The following MYOCOS variants were observed in gnomAD, a reference collection of about 807,000 sequenced individuals.
MYOCOS encodes myocilin opposite strand.
chr1:171,608,643 G>A (rs916009631), intron 1 of MYOCOS, among the ~76,000 whole-genome samples: 91 of 151,978 alleles, frequency 6.0e-4, no homozygotes, highest in African/African-American at 2.1e-3. Context: ...GGATGGTCTC[G>A]ATCTCCTGAC....
intron 1 of MYOCOS, among the ~76,000 whole-genome samples, chr1:171,607,537 T>G (rs1394524360): frequency 6.6e-6 from 1 of 152,208 alleles, no homozygotes; most frequent in Non-Finnish European, 1.5e-5. Flanking sequence ...AAGACTGAAC[T>G]TCTAAAATGT....
chr1:171,616,225 AAAACAAAC>A (rs141899130), intron 2 of MYOCOS, among the ~76,000 whole-genome samples: 9 of 150,902 alleles, frequency 6.0e-5, no homozygotes, highest in South Asian at 2.1e-4. Flanking sequence ...CTCAAAACAA[AAAACAAAC>A]AAACAAACAA....
At chr1:171,615,489 AAAC>A (rs898877427) in intron 2 of MYOCOS, among the ~76,000 whole-genome samples, 5 of 152,326 alleles carry the variant, frequency 3.3e-5, no homozygotes, top group African/African-American at 7.2e-5. Flanking sequence ...TTTTAAGAAA[AAAC>A]AACAAGGAAG....
upstream of MYOCOS, among the ~76,000 whole-genome samples, chr1:171,618,304 A>G (rs1393897550): frequency 1.3e-5 from 2 of 152,194 alleles, no homozygotes; most frequent in African/African-American, 4.8e-5. Flanking sequence ...TCATAACCCC[A>G]CCTTAGTGCT....
chr1:171,613,917 CT>C (rs994137178), intron 1 of MYOCOS, among the ~76,000 whole-genome samples: 1 of 152,150 alleles, frequency 6.6e-6, no homozygotes, highest in African/African-American at 2.4e-5. Context: ...AGGCCTCTGA[CT>C]TTATCACTTC....
chr1:171,602,707 A>T (rs1401989628), intron 1 of MYOCOS, among the ~76,000 whole-genome samples: 1 of 152,224 alleles, frequency 6.6e-6, no homozygotes, highest in Non-Finnish European at 1.5e-5. Flanking sequence ...CTAATATAAA[A>T]GTAAAATTTA....
chr1:171,607,701 C>T (rs1308840875), intron 1 of MYOCOS, among the ~76,000 whole-genome samples: 2 of 152,146 alleles, frequency 1.3e-5, no homozygotes, highest in African/African-American at 2.4e-5. Flanking sequence ...GTTCTTAGGC[C>T]CTTCTGTCCA....
chr1:171,626,747 T>A lies in MYOCOS; in HGVS notation c.*146T>A, dbSNP rs1298186049. 5 of 396,502 alleles carry A rather than the reference T, an allele frequency of 1.3e-5. No homozygotes were observed. The highest frequency in any genetic ancestry group is 2.2e-5 in the Non-Finnish European group (5 of 225,412). 24.6% of individuals were successfully genotyped at this position (396,502 alleles called of 1,614,324 possible). A position where few individuals can be genotyped will look rare whatever the true frequency, so the allele number is the denominator to read the frequency against. The stretch of plus-strand genomic sequence containing the variant: ...ACCTAGAACCACCATAGAGCATGGT[T>A]TACCCTTGCTAATAGACTTAGTCAT... On this transcript the variant is annotated 3_prime_UTR_variant, in exon 3 of 3. Transcript: ENST00000637642.
intron 1 of MYOCOS, among the ~76,000 whole-genome samples, chr1:171,612,439 A>AT (rs1055295838): frequency 4.6e-5 from 7 of 151,800 alleles, no homozygotes; most frequent in African/African-American, 1.2e-4. Context: ...ATCACATGAC[A>AT]TTTTTTTTAC....
At position 171,624,254 on chromosome 1, in the gene MYOCOS, CTTTG is replaced by C. The variant is rs539570687; in HGVS notation, c.95+281_95+284del. 1.7e-3 allele frequency among the ~76,000 whole-genome samples: 262 copies of C among 151,936 alleles called. 1 individual carries two copies. Among genetic ancestry groups the C allele is most frequent in the Non-Finnish European group, 2.6e-3 (175 of 67,970 alleles). Reference sequence around the variant, plus strand: ...GATAGAGAGTGGGGAGTGGGGATCACTTTGTTTGGTTTGGTTTTGTTTTTTTGAG... The same window carrying C: ...GATAGAGAGTGGGGAGTGGGGATCACTTTGGTTTGGTTTTGTTTTTTTGAG... On this transcript the variant is annotated intron_variant, in intron 2 of 2. Transcript: ENST00000637642.
Position 171,626,663 on chromosome 1 carries a change from A to C in MYOCOS, c.*62A>C. ...AACTCCAGAAAACAGTTTCAGTGGC[A>C]TTCTTGAGGTTTGTCTTAGAAGACT... On this transcript the variant is annotated 3_prime_UTR_variant, in exon 3 of 3. Coordinates refer to ENST00000637642, the MANE Select transcript of MYOCOS (RefSeq NM_001391940.1). 2 of 398,376 alleles carry C rather than the reference A, an allele frequency of 5.0e-6. No individual in the cohort carries two copies. Among genetic ancestry groups the C allele is most frequent in the Non-Finnish European group, 4.4e-6 (1 of 225,932 alleles). 24.7% of individuals were successfully genotyped at this position (398,376 alleles called of 1,614,324 possible). A position where few individuals can be genotyped will look rare whatever the true frequency, so the allele number is the denominator to read the frequency against.
At position 171,626,530 on chromosome 1, in the gene MYOCOS, C is replaced by T. The variant is rs1052057361; in HGVS notation, c.172C>T (p.Pro58Ser). The change falls in exon 3 of 3, where the codon CCT (proline) becomes TCT (serine). Residue 58 changes from proline to serine, a missense_variant. Pro to Ser is a moderately conservative substitution (Grantham distance 74). Coordinates refer to ENST00000637642, the MANE Select transcript of MYOCOS (RefSeq NM_001391940.1). ...CTTGGATTTGGAGCAAGCCCCTCCC[C>T]CTCACAGGACCTACCTCACAGTACC... Reference protein sequence around the residue: ...SHLDLEQAPPPHRTYLTVPPA... With the variant: ...SHLDLEQAPPSHRTYLTVPPA... 4 of 398,566 alleles carry T rather than the reference C, an allele frequency of 1.0e-5. No homozygotes were observed. The highest frequency in any genetic ancestry group is 1.8e-5 in the Non-Finnish European group (4 of 226,084). The allele number at this position is 398,566 out of a possible 1,614,324, so 24.7% of individuals were successfully genotyped here. A position where few individuals can be genotyped will look rare whatever the true frequency, so the allele number is the denominator to read the frequency against.
At chr1:171,611,433 G>A (rs1224355776) in intron 1 of MYOCOS, among the ~76,000 whole-genome samples, 1 of 152,184 alleles carries the variant, frequency 6.6e-6, no homozygotes, top group African/African-American at 2.4e-5. Flanking sequence ...AGAACTACTC[G>A]AAATGGGCTA....
chr1:171,601,466 A>G (rs1652140486), intron 1 of MYOCOS, among the ~76,000 whole-genome samples: 1 of 150,832 alleles, frequency 6.6e-6, no homozygotes, highest in Non-Finnish European at 1.5e-5. Context: ...GTGTAGTGTG[A>G]GCGTGGTATT....
chr1:171,604,677 G>T (rs747560742), intron 1 of MYOCOS, among the ~76,000 whole-genome samples: 1 of 152,122 alleles, frequency 6.6e-6, no homozygotes, highest in Non-Finnish European at 1.5e-5. Context: ...ATAATAAACA[G>T]CATAGGATAG....
At chr1:171,617,819 C>T (rs1188623916), upstream of MYOCOS, among the ~76,000 whole-genome samples, 3 of 151,960 alleles carry the variant, frequency 2.0e-5, no homozygotes, top group African/African-American at 4.8e-5. Context: ...AATAAAGAGA[C>T]GGGAGAATTG....
chr1:171,625,649 G>C (rs986638147), intron 2 of MYOCOS, among the ~76,000 whole-genome samples: 2 of 152,184 alleles, frequency 1.3e-5, no homozygotes, highest in Non-Finnish European at 2.9e-5. Context: ...CCAGCAGAAG[G>C]GGAGGCGAAC....
At chr1:171,604,519 TC>T (rs1652206868) in intron 1 of MYOCOS, 1 of 152,200 alleles carries the variant, frequency 6.6e-6, no homozygotes, top group Non-Finnish European at 1.5e-5. Context: ...GTGCTATGAC[TC>T]CTTTGAACCT....
intron 1 of MYOCOS, among the ~76,000 whole-genome samples, chr1:171,614,506 A>G (rs1652413078): frequency 6.6e-6 from 1 of 152,196 alleles, no homozygotes; most frequent in South Asian, 2.1e-4. Context: ...CTGAGCCTTC[A>G]TATCCCCAGT....
Sources: gnomAD v4.1 joint callset for allele counts (sites outside exome capture counted in the v4.1 genomes callset) on GRCh38, gnomAD v4.1.1 for gene constraint, MANE v1.5 for transcripts, NCBI Gene and HGNC (gene_info 2026-07-23, HGNC 2026-07-21) for gene names.